Variants in SHISA6 observed in about 807,000 individuals in gnomAD.
The protein encoded by SHISA6 is shisa family member 6.
In SHISA6, 22 loss-of-function variants were observed where a neutral mutation model predicts 47.9. The observed-to-expected ratio is 0.46, with a 90% CI of 0.33 to 0.66. The LOEUF (loss-of-function observed/expected upper bound fraction) is 0.66. SHISA6 is among the 30% of genes least tolerant of loss of function. The pLI is 0.02. For synonymous variants in SHISA6, 388 were observed against 337.8 expected (o/e 1.15, Z -1.63); for missense variants, 680 against 764.6 (o/e 0.89, Z 1.30).
chr17:11,495,707 C>T (rs2071402402), intron 3 of SHISA6, among the ~76,000 whole-genome samples: 2 of 152,188 alleles, frequency 1.3e-5, no homozygotes, highest in African/African-American at 2.4e-5. Flanking sequence ...TGAAACAGGC[C>T]GGCCACCCTG....
At chr17:11,394,017 C>T (rs1299077612) in intron 3 of SHISA6, among the ~76,000 whole-genome samples, 3 of 152,178 alleles carry the variant, frequency 2.0e-5, no homozygotes, top group African/African-American at 7.2e-5. Flanking sequence ...AAAATTATAT[C>T]TTTCATAATA....
chr17:11,357,502 C>T (rs979314509), intron 2 of SHISA6, among the ~76,000 whole-genome samples: 1 of 152,190 alleles, frequency 6.6e-6, no homozygotes, highest in African/African-American at 2.4e-5. Flanking sequence ...TCTCCTCCTC[C>T]CCTTCCCCAG....
chr17:11,414,565 CT>C (rs1236152574), intron 3 of SHISA6, among the ~76,000 whole-genome samples: 3 of 152,302 alleles, frequency 2.0e-5, no homozygotes, highest in African/African-American at 7.2e-5. Context: ...CTTTGCTTCC[CT>C]GTGGCTTTTG....
intron 3 of SHISA6, among the ~76,000 whole-genome samples, chr17:11,479,702 C>T (rs1170485278): frequency 6.6e-6 from 1 of 151,756 alleles, no homozygotes; most frequent in Non-Finnish European, 1.5e-5. Flanking sequence ...GTAACATTGG[C>T]ATCATTCATT....
At chr17:11,532,367 G>A (rs2071742134) in intron 3 of SHISA6, among the ~76,000 whole-genome samples, 1 of 152,212 alleles carries the variant, frequency 6.6e-6, no homozygotes, top group South Asian at 2.1e-4. Flanking sequence ...GCATGTGTGA[G>A]CTCTGAGACG....
chr17:11,547,008 A>G (rs999209167), intron 3 of SHISA6, among the ~76,000 whole-genome samples: 5 of 152,232 alleles, frequency 3.3e-5, no homozygotes, highest in African/African-American at 4.8e-5. Flanking sequence ...AGACACAGAT[A>G]GCGTCATGTG....
In SHISA6 at chr17:11,469,010, C is replaced by T. The variant is rs1023557099; in HGVS notation, c.896-82886C>T. 2.9e-5 allele frequency among the ~76,000 whole-genome samples: 3 copies of T among 105,236 alleles called. No individual in the cohort carries two copies. The Admixed American group carries it at 3.9e-4, about 14-fold the overall frequency. The allele number at this position is 105,236 out of a possible 152,430, so 69.0% of individuals were successfully genotyped here. On this transcript the variant is annotated intron_variant, in intron 3 of 5. Coordinates refer to ENST00000441885, the MANE Select transcript of SHISA6 (RefSeq NM_207386.4). ...CTCCAGCCTGGGCAACAGAAAGAGA[C>T]TCCGTCTCAAAAAAAAAAAAAAAAA... is the stretch of plus-strand genomic sequence containing the variant.
At chr17:11,297,572 T>C (rs966160149) in intron 2 of SHISA6, among the ~76,000 whole-genome samples, 1 of 152,196 alleles carries the variant, frequency 6.6e-6, no homozygotes, top group African/African-American at 2.4e-5. Flanking sequence ...CCCCAGAGGT[T>C]ACTCACATCC....
intron 2 of SHISA6, among the ~76,000 whole-genome samples, chr17:11,287,798 T>G (rs1909374328): frequency 7.0e-6 from 1 of 142,892 alleles, no homozygotes; most frequent in South Asian, 2.3e-4. Context: ...TATTCTCACT[T>G]AATAATATAT....
At chr17:11,277,251 C>G (rs983883562) in intron 2 of SHISA6, among the ~76,000 whole-genome samples, 19 of 68,568 alleles carry the variant, frequency 2.8e-4, no homozygotes, top group Admixed American at 2.6e-3. Flanking sequence ...TTCTCTCTCT[C>G]TCTCTCTCTC....
chr17:11,547,733 AT>A (rs1232296034), intron 3 of SHISA6, among the ~76,000 whole-genome samples: 1 of 152,228 alleles, frequency 6.6e-6, no homozygotes, highest in Non-Finnish European at 1.5e-5. Context: ...GAGTTAAAAA[AT>A]TATAGAACTG....
At chr17:11,307,469 G>C (rs1478480741) in intron 2 of SHISA6, among the ~76,000 whole-genome samples, 1 of 152,226 alleles carries the variant, frequency 6.6e-6, no homozygotes, top group Non-Finnish European at 1.5e-5. Context: ...CAAGAGGAAG[G>C]AAGCAGGTCC....
At chr17:11,460,870 C>A (rs1171758344) in intron 3 of SHISA6, among the ~76,000 whole-genome samples, 6 of 152,136 alleles carry the variant, frequency 3.9e-5, no homozygotes, top group Non-Finnish European at 4.4e-5. Flanking sequence ...TGGACAAGTC[C>A]CTGAATGTGT....
chr17:11,391,785 T>C (rs1913394214), intron 3 of SHISA6, among the ~76,000 whole-genome samples: 2 of 152,182 alleles, frequency 1.3e-5, no homozygotes, highest in Non-Finnish European at 2.9e-5. Flanking sequence ...CATTCTGGGA[T>C]AGTTTCAAGG....
intron 2 of SHISA6, among the ~76,000 whole-genome samples, chr17:11,354,854 CTG>C (rs1232174989): frequency 1.3e-5 from 2 of 152,152 alleles, no homozygotes; most frequent in African/African-American, 2.4e-5. Flanking sequence ...TCTTCCCAGT[CTG>C]TGTTCCATTG....
chr17:11,552,047 A>G (rs2071936369), intron 4 of SHISA6, 95 bp downstream of exon 4: 4 of 1,310,610 alleles, frequency 3.1e-6, no homozygotes, highest in Non-Finnish European at 2.1e-6. Context: ...ACACACGGTC[A>G]TAAACTCACT....
At chr17:11,355,360 A>T (rs796489321) in intron 2 of SHISA6, among the ~76,000 whole-genome samples, 3 of 152,324 alleles carry the variant, frequency 2.0e-5, no homozygotes, top group African/African-American at 7.2e-5. Context: ...ATAGGTCTCC[A>T]TTGTTTCCTC....
intron 3 of SHISA6, among the ~76,000 whole-genome samples, chr17:11,493,841 T>G (rs1465148753): frequency 6.6e-6 from 1 of 152,190 alleles, no homozygotes; most frequent in Non-Finnish European, 1.5e-5. Context: ...AAAGGAAATG[T>G]TTTGTGTACA....
At chr17:11,519,417 AT>A (rs1415262936) in intron 3 of SHISA6, among the ~76,000 whole-genome samples, 1 of 152,212 alleles carries the variant, frequency 6.6e-6, no homozygotes, top group African/African-American at 2.4e-5. Flanking sequence ...AGTTTCACTT[AT>A]GTGATGTATC....
Sources: allele counts gnomAD v4.1 joint callset (sites outside exome capture counted in the v4.1 genomes callset), GRCh38; gene constraint gnomAD v4.1.1; transcripts MANE v1.5; gene names NCBI Gene and HGNC (gene_info 2026-07-23, HGNC 2026-07-21).